The following ATRN variants were observed in gnomAD, a reference collection of about 807,000 sequenced individuals.
ATRN encodes attractin-2.
In ATRN, 54 loss-of-function variants were observed where a neutral mutation model predicts 178.7. The observed-to-expected ratio is 0.30, with a 90% confidence interval of 0.24 to 0.38. The LOEUF (loss-of-function observed/expected upper bound fraction) is 0.38, where lower values mean the gene tolerates loss of function less well. ATRN is among the 10% of genes least tolerant of loss of function. The pLI is 1.00. For synonymous variants in ATRN, 636 were observed against 663.0 expected, an observed-to-expected ratio of 0.96 and a Z score of 0.63; for missense variants, 1,443 against 1,815.1, an observed-to-expected ratio of 0.79 and a Z score of 3.73.
intron 25 of ATRN, among the ~76,000 whole-genome samples, chr20:3,626,998 G>A (rs1049745166): frequency 5.9e-5 from 9 of 152,052 alleles, no homozygotes; most frequent in Non-Finnish European, 1.0e-4. Context: ...GGTTGGCCAG[G>A]CTGGTCTCGA....
At position 3,575,909 on chromosome 20, in the gene ATRN, C is replaced by A; in HGVS notation, c.2175C>A (p.Asp725Glu). Residue 725 changes from aspartate (D) to glutamate (E), a missense_variant, in exon 13 of 29, where the codon GAC (aspartate) becomes GAA (glutamate). By Grantham distance (45) the Asp-to-Glu change is conservative. This residue lies in a region of ATRN where 862 missense variants were observed against 972.1 expected (regional missense o/e 0.89). Transcript: ENST00000262919. ...CCAATGACTGCCACTGGTGCAATGA[C>A]CATTGTGTCCCCAGGAACCACAGCT... Reference protein sequence around the residue: ...ANTNDCHWCNDHCVPRNHSCS... With the variant: ...ANTNDCHWCNEHCVPRNHSCS... 6.2e-7 allele frequency: 1 copy of A among 1,614,108 alleles called. No individual in the cohort carries two copies. The highest frequency in any genetic ancestry group is 8.5e-7 in the Non-Finnish European group (1 of 1,179,988).
At position 3,565,387 on chromosome 20, in the gene ATRN, A is replaced by G. The variant is rs754685372; in HGVS notation, c.1826A>G (p.His609Arg). 50 of 1,614,004 alleles carry G rather than the reference A, an allele frequency of 3.1e-5. No individual in the cohort carries two copies. The change falls in exon 11 of 29, where the codon CAC becomes CGC. Residue 609 changes from histidine (H) to arginine (R), a missense_variant. By Grantham distance (29) the His-to-Arg change is conservative. This residue lies in a region of ATRN where 862 missense variants were observed against 972.1 expected (regional missense o/e 0.89). Coordinates refer to ENST00000262919, the MANE Select transcript of ATRN (RefSeq NM_139321.3). ...TCAGTGCTTCCCAGACCTGATCTCC[A>G]CCATGATGTCAACAGATTTGGCCAT... The part of the protein sequence containing the change: ...RWSVLPRPDL[H>R]HDVNRFGHSA...
intron 1 of ATRN, among the ~76,000 whole-genome samples, chr20:3,504,699 TAATA>T (rs1404417416): frequency 1.2e-5 from 1 of 85,132 alleles, no homozygotes; most frequent in Non-Finnish European, 2.5e-5. Flanking sequence ...ATAATAATAA[TAATA>T]ATAATAATAA....
intron 6 of ATRN, among the ~76,000 whole-genome samples, chr20:3,555,678 T>C (rs1600103049): frequency 6.6e-6 from 1 of 152,094 alleles, no homozygotes; most frequent in African/African-American, 2.4e-5. Context: ...ATACCAGCCC[T>C]CACACTAAAG....
intron 1 of ATRN, among the ~76,000 whole-genome samples, chr20:3,515,220 A>C (rs1301927222): frequency 6.6e-6 from 1 of 152,186 alleles, no homozygotes; most frequent in Non-Finnish European, 1.5e-5. Context: ...TTATGCTTGC[A>C]TTATTCCTAG....
At chr20:3,613,393 T>G (rs1037848538) in intron 24 of ATRN, among the ~76,000 whole-genome samples, 1 of 152,172 alleles carries the variant, frequency 6.6e-6, no homozygotes, top group Non-Finnish European at 1.5e-5. Flanking sequence ...CTGTGCGCTA[T>G]GTGGAGGGCT....
intron 26 of ATRN, 116 bp downstream of exon 26, chr20:3,634,505 C>A (rs190666594): frequency 2.3e-6 from 2 of 862,956 alleles, no homozygotes; most frequent in African/African-American, 1.7e-5. Context: ...GACATCTCCA[C>A]GGAAGGAATA....
chr20:3,635,353 C>T (rs1057113588), intron 26 of ATRN, among the ~76,000 whole-genome samples: 3 of 130,432 alleles, frequency 2.3e-5, no homozygotes, highest in Non-Finnish European at 3.6e-5. Context: ...CCCCCAAAAA[C>T]CTATTGAAAT....
At position 3,638,780 on chromosome 20, in the gene ATRN, C is replaced by A; in HGVS notation, c.3943-48C>A. On this transcript the variant is annotated intron_variant, in intron 26 of 28. Coordinates refer to ENST00000262919, the MANE Select transcript of ATRN (RefSeq NM_139321.3). The surrounding 1 kb of genome is among the most constrained non-coding windows in gnomAD (Gnocchi z 4.5). The stretch of plus-strand genomic sequence containing the variant: ...TAACATGTAGCATTAACTAATAAAA[C>A]CCCTTCAGTACTCATTCCATTAATG... 2 of 1,527,294 alleles carry A rather than the reference C, an allele frequency of 1.3e-6. No homozygotes were observed. The highest frequency in any genetic ancestry group is 1.8e-6 in the Non-Finnish European group (2 of 1,104,902). The allele number at this position is 1,527,294 out of a possible 1,614,324, so 94.6% of individuals were successfully genotyped here.
Position 3,471,312 on chromosome 20 carries a change from T to TCGC in ATRN, c.212_214dup (p.Pro71dup), listed in dbSNP as rs1220965957. On this transcript the variant is annotated inframe_insertion, in exon 1 of 29. Coordinates refer to ENST00000262919, the MANE Select transcript of ATRN (RefSeq NM_139321.3). ...GCTGCTGCTGCTGCTGTTGTTGCTC[T>TCGC]CGCCGCCGCTGCTGCTGCTGCTGCT... 2 of 1,482,108 alleles carry TCGC rather than the reference T, an allele frequency of 1.3e-6. No individual in the cohort carries two copies. Among genetic ancestry groups the TCGC allele is most frequent in the South Asian group, 1.3e-5 (1 of 77,668 alleles). 91.8% of individuals were successfully genotyped at this position (1,482,108 alleles called of 1,614,324 possible).
rs185938470 is a variant in ATRN at position 3,625,587 on chromosome 20, A to G, written c.3863+1015A>G. Among the ~76,000 whole-genome samples, 165 of 152,340 alleles carry G rather than the reference A, an allele frequency of 1.1e-3. 1 individual carries two copies. The highest frequency in any genetic ancestry group is 1.6e-3 in the Non-Finnish European group (106 of 68,034). The stretch of plus-strand genomic sequence containing the variant: ...AGAACAGTAAAAAATAAAATAAAAT[A>G]AAGTATCATTGTACTGTGACAGAAC... On this transcript the variant is annotated intron_variant, in intron 25 of 28. Coordinates refer to ENST00000262919, the MANE Select transcript of ATRN (RefSeq NM_139321.3).
intron 1 of ATRN, among the ~76,000 whole-genome samples, chr20:3,489,329 C>A (rs1242632067): frequency 6.6e-6 from 1 of 152,100 alleles, no homozygotes; most frequent in Non-Finnish European, 1.5e-5. Context: ...TATTTTCTGG[C>A]AGAATCTTTT....
At chr20:3,553,774 G>A (rs551902398) in intron 6 of ATRN, among the ~76,000 whole-genome samples, 2 of 152,278 alleles carry the variant, frequency 1.3e-5, no homozygotes, top group South Asian at 4.1e-4. Flanking sequence ...CTCAGGGCTG[G>A]TGTCTTCTCA....
intron 18 of ATRN, among the ~76,000 whole-genome samples, chr20:3,586,000 A>G (rs1189703671): frequency 6.6e-6 from 1 of 152,168 alleles, no homozygotes; most frequent in Non-Finnish European, 1.5e-5. Context: ...CAGGTCCTCA[A>G]AAAGTTAAAT....
chr20:3,537,490 G>GT (rs35907505), intron 2 of ATRN, among the ~76,000 whole-genome samples: 77 of 89,728 alleles, frequency 8.6e-4, no homozygotes, highest in Admixed American at 1.2e-3. Flanking sequence ...TTTTTTTCTT[G>GT]TTTTTTTTTT....
intron 1 of ATRN, among the ~76,000 whole-genome samples, chr20:3,532,737 A>T (rs1378144787): frequency 6.6e-6 from 1 of 151,520 alleles, no homozygotes; most frequent in East Asian, 1.9e-4. Context: ...GAGTTGTCCC[A>T]TGTTGGATTG....
At chr20:3,565,922 T>A (rs2086029773) in intron 11 of ATRN, among the ~76,000 whole-genome samples, 1 of 152,128 alleles carries the variant, frequency 6.6e-6, no homozygotes, top group South Asian at 2.1e-4. Context: ...TTCTGATTTA[T>A]GTTTAAAATA....
intron 27 of ATRN, among the ~76,000 whole-genome samples, chr20:3,643,888 G>A (rs142655553): frequency 6.6e-5 from 10 of 152,262 alleles, no homozygotes; most frequent in African/African-American, 1.7e-4. Flanking sequence ...CCCACTTGGC[G>A]TGGCCCCTTC....
intron 19 of ATRN, among the ~76,000 whole-genome samples, chr20:3,593,819 A>T (rs772223360): frequency 1.3e-5 from 2 of 152,342 alleles, no homozygotes; most frequent in East Asian, 3.9e-4. Flanking sequence ...ACTTTTTTCA[A>T]CTGGAGTATA....
Sources: gnomAD v4.1 joint callset for allele counts (sites outside exome capture counted in the v4.1 genomes callset) on GRCh38, gnomAD v4.1.1 for gene constraint, gnomAD v4.1.1 regional missense constraint, Gnocchi (gnomAD v3.1) non-coding constraint, MANE v1.5 for transcripts, NCBI Gene and HGNC (gene_info 2026-07-23, HGNC 2026-07-21) for gene names.